Variants in PRUNE1 observed in about 807,000 individuals in gnomAD.
The protein encoded by PRUNE1 is exopolyphosphatase PRUNE1.
PRUNE1 carries 25 observed loss-of-function variants against 42.5 expected under a neutral mutation model. The ratio of observed to expected loss-of-function variants is 0.59; its 90% CI spans 0.43 to 0.82. The LOEUF is 0.82. PRUNE1 is among the 40% of genes least tolerant of loss of function. The pLI, the probability that PRUNE1 is intolerant of heterozygous loss-of-function variation, is 0.00. For synonymous variants in PRUNE1, 203 were observed against 217.1 expected (o/e 0.93, Z 0.57); for missense variants, 443 against 539.3 (o/e 0.82, Z 1.77).
Position 151,033,787 on chromosome 1 carries a change from G to A in PRUNE1, c.934-19G>A, listed in dbSNP as rs1199288067. 16 of 1,600,092 alleles carry A rather than the reference G, an allele frequency of 1.0e-5. No homozygotes were observed. Among genetic ancestry groups the A allele is most frequent in the Non-Finnish European group, 1.4e-5 (16 of 1,168,748 alleles). On this transcript the variant is annotated intron_variant, in intron 7 of 7. Transcript: ENST00000271620. ...ACAGCAAGTTGTGTATCATTTCCCT[G>A]TTATTGTCTCCTCTTTAGATCTGTG... is the stretch of plus-strand genomic sequence containing the variant.
At chr1:151,029,528 C>T (rs587721329) in intron 7 of PRUNE1, among the ~76,000 whole-genome samples, 7 of 151,644 alleles carry the variant, frequency 4.6e-5, no homozygotes, top group African/African-American at 1.2e-4. Context: ...CCACCACGCC[C>T]GGCTAATTTT....
rs200419127 is a variant in PRUNE1 at position 151,017,743 on chromosome 1, TA to T, written c.40-59del. On this transcript the variant is annotated intron_variant, in intron 1 of 7. Transcript: ENST00000271620. The stretch of plus-strand genomic sequence containing the variant: ...CTGTCTCAAAAATATATATATTATT[TA>T]AAAAAAAAAGATAAGTGGAAATGAA... The T allele has an allele frequency of 4.6e-3, 4,207 of 923,144 alleles. 1 individual carries two copies. The highest frequency in any genetic ancestry group is 0.012 in the African/African-American group (694 of 57,160). 57.2% of individuals were successfully genotyped at this position (923,144 alleles called of 1,614,324 possible).
At chr1:151,027,779 T>TGCGCGCGC (rs1320940349) in intron 6 of PRUNE1, among the ~76,000 whole-genome samples, 6 of 147,636 alleles carry the variant, frequency 4.1e-5, no homozygotes, top group African/African-American at 1.3e-4. Context: ...TGTGTGTGTG[T>TGCGCGCGC]GTGCGCGCGC....
intron 1 of PRUNE1, among the ~76,000 whole-genome samples, chr1:151,016,782 G>A (rs1571777045): frequency 1.3e-5 from 2 of 151,656 alleles, no homozygotes; most frequent in Admixed American, 1.3e-4. Flanking sequence ...GATTACAGGC[G>A]CCAGCCACCA....
In PRUNE1 at chr1:151,035,172, C is replaced by T. The variant is rs941553646; in HGVS notation, c.*938C>T. On this transcript the variant is annotated 3_prime_UTR_variant, in exon 8 of 8. Coordinates refer to ENST00000271620, the MANE Select transcript of PRUNE1 (RefSeq NM_021222.3). Reference sequence around the variant, plus strand: ...ACTTCACTACTCCAGGTCTCACTTTCCCCATCTGTAAAACAGGGTTTGGAC... The same window carrying T: ...ACTTCACTACTCCAGGTCTCACTTTTCCCATCTGTAAAACAGGGTTTGGAC... 1 of 152,208 alleles carries T rather than the reference C, an allele frequency of 6.6e-6. No individual in the cohort carries two copies. The highest frequency in any genetic ancestry group is 1.5e-5 in the Non-Finnish European group (1 of 68,054). 9.4% of individuals were successfully genotyped at this position (152,208 alleles called of 1,614,324 possible). A position where few individuals can be genotyped will look rare whatever the true frequency, so the allele number is the denominator to read the frequency against.
chr1:151,021,014 C>G (rs1674392549), intron 3 of PRUNE1, among the ~76,000 whole-genome samples: 1 of 151,162 alleles, frequency 6.6e-6, no homozygotes, highest in Non-Finnish European at 1.5e-5. Flanking sequence ...GGCGTGGTGG[C>G]TCGCGCCTGT....
At chr1:151,012,988 C>T (rs374380828) in intron 1 of PRUNE1, among the ~76,000 whole-genome samples, 5 of 152,060 alleles carry the variant, frequency 3.3e-5, no homozygotes, top group South Asian at 4.1e-4. Context: ...GTCTCGAACC[C>T]CTGACCTGAG....
chr1:151,014,021 C>A (rs1357424098), intron 1 of PRUNE1, among the ~76,000 whole-genome samples: 1 of 151,930 alleles, frequency 6.6e-6, no homozygotes, highest in Admixed American at 6.6e-5. Context: ...GCTCGGTCAC[C>A]CAGGCTGGAG....
intron 1 of PRUNE1, among the ~76,000 whole-genome samples, chr1:151,013,033 G>C (rs994609885): frequency 6.6e-6 from 1 of 152,142 alleles, no homozygotes; most frequent in Non-Finnish European, 1.5e-5. Flanking sequence ...AAAGTGCTGG[G>C]ATCATAGGTG....
At chr1:151,029,610 G>A (rs375623628) in intron 7 of PRUNE1, among the ~76,000 whole-genome samples, 10 of 151,436 alleles carry the variant, frequency 6.6e-5, no homozygotes, top group South Asian at 4.2e-4. Context: ...CTCGTGATCC[G>A]CCCGCCTTGG....
Position 151,025,524 on chromosome 1 carries a change from T to G in PRUNE1, c.530T>G (p.Ile177Ser). The change falls in exon 5 of 8, where the codon ATC (isoleucine) becomes AGC (serine). Residue 177 changes from isoleucine to serine, a missense_variant. Physicochemically the swap from Ile to Ser is moderately radical, Grantham distance 142. Transcript: ENST00000271620. ...QTAALLHGTI[I>S]LDCVNMDLKI... ...TCTCCCTTCTCCACAGGAACCATCA[T>G]CCTGGACTGTGTCAACATGGACCTT... The G allele has an allele frequency of 1.9e-6, 3 of 1,613,942 alleles. No homozygotes were observed. The highest frequency in any genetic ancestry group is 2.5e-6 in the Non-Finnish European group (3 of 1,179,924).
At chr1:151,017,127 A>T (rs1674153055) in intron 1 of PRUNE1, among the ~76,000 whole-genome samples, 1 of 150,878 alleles carries the variant, frequency 6.6e-6, no homozygotes, top group South Asian at 2.1e-4. Context: ...GCATTCTTTT[A>T]CCTATTATGA....
At chr1:151,017,272 C>T (rs1195727380) in intron 1 of PRUNE1, among the ~76,000 whole-genome samples, 2 of 151,990 alleles carry the variant, frequency 1.3e-5, no homozygotes, top group African/African-American at 2.4e-5. Flanking sequence ...ATTTACTGCT[C>T]TATAAGTTAA....
intron 7 of PRUNE1, among the ~76,000 whole-genome samples, chr1:151,033,163 G>A (rs1675341051): frequency 6.6e-6 from 1 of 150,734 alleles, no homozygotes; most frequent in South Asian, 2.1e-4. Context: ...TTGGCTCACT[G>A]CAACTTCTGT....
intron 1 of PRUNE1, among the ~76,000 whole-genome samples, chr1:151,013,674 CAG>C (rs1441765237): frequency 6.6e-6 from 1 of 152,170 alleles, no homozygotes; most frequent in Non-Finnish European, 1.5e-5. Context: ...TTCCTCCAGT[CAG>C]GGCCATATGC....
At chr1:151,017,108 A>AAAG (rs1553252613) in intron 1 of PRUNE1, among the ~76,000 whole-genome samples, 2,041 of 151,552 alleles carry the variant, frequency 0.013, 48 homozygotes, top group African/African-American at 0.045. Flanking sequence ...AAAAAAAAAA[A>AAAG]AAGTATAAGC....
intron 1 of PRUNE1, among the ~76,000 whole-genome samples, chr1:151,016,655 C>T (rs1558075781): frequency 6.6e-6 from 1 of 151,822 alleles, no homozygotes; most frequent in Non-Finnish European, 1.5e-5. Context: ...GCGCATACCA[C>T]CATGCCTGGC....
At position 151,034,363 on chromosome 1, in the gene PRUNE1, T is replaced by G; in HGVS notation, c.*129T>G. The G allele has an allele frequency of 2.0e-6, 2 of 1,017,686 alleles. No homozygotes were observed. The highest frequency in any genetic ancestry group is 1.7e-5 in the South Asian group (1 of 58,792). 63.0% of individuals were successfully genotyped at this position (1,017,686 alleles called of 1,614,324 possible). A position where few individuals can be genotyped will look rare whatever the true frequency, so the allele number is the denominator to read the frequency against. ...ATCTGGTATACTGTTCTCATAAAACTGAGAGGAGAAAAAAAGTGAAAGAAA... is the reference window on the plus strand; with the variant it reads ...ATCTGGTATACTGTTCTCATAAAACGGAGAGGAGAAAAAAAGTGAAAGAAA... On this transcript the variant is annotated 3_prime_UTR_variant, in exon 8 of 8. Transcript: ENST00000271620.
Position 151,027,234 on chromosome 1 carries a change from A to G in PRUNE1, c.681A>G (p.Gly227=). Residue 227 remains glycine, a splice_region_variant and synonymous_variant, in exon 6 of 8, where the codon GGA becomes GGG. Transcript: ENST00000271620. ...CCTAGTCTCTCATCTGCTTTCTAGG[A>G]CTGACCACTGAGCAGATGCTGAGAA... ...SLQKAKFDVS[G]LTTEQMLRKD... is the part of the protein sequence containing the mutation. 6.2e-7 allele frequency: 1 copy of G among 1,605,514 alleles called. No individual in the cohort carries two copies. The highest frequency in any genetic ancestry group is 8.5e-7 in the Non-Finnish European group (1 of 1,172,466).
Sources: gnomAD v4.1 joint callset for allele counts (sites outside exome capture counted in the v4.1 genomes callset) on GRCh38, gnomAD v4.1.1 for gene constraint, MANE v1.5 for transcripts, NCBI Gene and HGNC (gene_info 2026-07-23, HGNC 2026-07-21) for gene names.